Variants in GNS observed in about 807,000 individuals in gnomAD.
GNS encodes the protein glucosamine (N-acetyl)-6-sulfatase.
Under a neutral mutation model 69.7 loss-of-function variants are expected in GNS, and 40 were observed. The observed-to-expected ratio is 0.57, with a 90% CI of 0.45 to 0.75. The LOEUF is 0.75. Ranked by LOEUF, GNS falls within the 30% of genes least tolerant of loss-of-function variation. GNS has a pLI of 0.00. For synonymous variants in GNS, 243 were observed against 251.6 expected (o/e 0.97, Z 0.32); for missense variants, 565 against 685.5 (o/e 0.82, Z 1.96).
chr12:64,752,773 AT>A lies in GNS; in HGVS notation c.193-17del. ...TTAGCGGTGTCTGTAAAAGTAAGTA[AT>A]TATCCATTAAACAATTTCTTCCAAT... On this transcript the variant is annotated splice_polypyrimidine_tract_variant and intron_variant, in intron 1 of 13. Coordinates refer to ENST00000258145, the MANE Select transcript of GNS (RefSeq NM_002076.4). 1 of 1,266,584 alleles carries A rather than the reference AT, an allele frequency of 7.9e-7. No individual in the cohort carries two copies. The highest frequency in any genetic ancestry group is 1.2e-6 in the Non-Finnish European group (1 of 866,734). The allele number at this position is 1,266,584 out of a possible 1,614,324, so 78.5% of individuals were successfully genotyped here.
At chr12:64,756,592 C>A in intron 1 of GNS, 1 of 623,478 alleles carries the variant, frequency 1.6e-6, no homozygotes, top group Non-Finnish European at 2.8e-6. Context: ...TTTTAGTTTC[C>A]TTTTAAGATA....
At chr12:64,719,445 T>G (rs1868956479) in intron 13 of GNS, among the ~76,000 whole-genome samples, 1 of 152,212 alleles carries the variant, frequency 6.6e-6, no homozygotes, top group African/African-American at 2.4e-5. Context: ...GCTGAAAAGT[T>G]ACTAAGAAGG....
At position 64,751,375 on chromosome 12, in the gene GNS, A is replaced by G. The variant is rs138623631; in HGVS notation, c.252+1323T>C. Among the ~76,000 whole-genome samples the G allele has an allele frequency of 7.6e-3, 1,154 of 152,334 alleles. 11 individuals carry two copies. The highest frequency in any genetic ancestry group is 0.017 in the Middle Eastern group (5 of 294). On this transcript the variant is annotated intron_variant, in intron 2 of 13. Coordinates refer to ENST00000258145, the MANE Select transcript of GNS (RefSeq NM_002076.4). Reference sequence around the variant, plus strand: ...GTTTCTTAGATAGAAAATCCAAACAAGCAGAAATAATTTTTCCAATATTTT... The same window carrying G: ...GTTTCTTAGATAGAAAATCCAAACAGGCAGAAATAATTTTTCCAATATTTT...
At chr12:64,745,922 G>A (rs1311728686) in intron 3 of GNS, 198 bp from the exon 4 acceptor site, 6 of 590,170 alleles carry the variant, frequency 1.0e-5, no homozygotes, top group African/African-American at 9.3e-5. Context: ...ACTACAGCCA[G>A]TGAGCCAAAT....
intron 9 of GNS, among the ~76,000 whole-genome samples, chr12:64,732,645 T>C (rs1869440145): frequency 6.6e-6 from 1 of 151,100 alleles, no homozygotes; most frequent in South Asian, 2.1e-4. Context: ...TATTTTTTAG[T>C]AGAGACGGGG....
intron 9 of GNS, among the ~76,000 whole-genome samples, chr12:64,730,434 C>CAAAAAAAAAAAAAAAAAAAA (rs35692874): frequency 1.2e-4 from 5 of 43,394 alleles, no homozygotes; most frequent in Middle Eastern, 0.026. Flanking sequence ...ATATGAAAGG[C>CAAAAAAAAAAAAAAAAAAAA]AAAAAAAAAA....
At chr12:64,740,530 G>T in intron 7 of GNS, 76 bp downstream of exon 7, 1 of 819,982 alleles carries the variant, frequency 1.2e-6, no homozygotes, top group South Asian at 1.3e-5. Flanking sequence ...CAACAATGTG[G>T]TGTGGTCTCC....
chr12:64,728,819 A>G, intron 10 of GNS, 137 bp downstream of exon 10: 1 of 647,916 alleles, frequency 1.5e-6, no homozygotes, highest in Non-Finnish European at 2.8e-6. Flanking sequence ...TTTTTATTTT[A>G]GAAAACTCCT....
intron 10 of GNS, 118 bp downstream of exon 10, chr12:64,728,838 C>T (rs73323455): frequency 1.0e-4 from 68 of 670,130 alleles, no homozygotes; most frequent in African/African-American, 9.8e-4. Context: ...CTTCCCATCA[C>T]AAGATTTTCT....
At chr12:64,729,612 GTTTT>G (rs929258611) in intron 9 of GNS, among the ~76,000 whole-genome samples, 4 of 152,132 alleles carry the variant, frequency 2.6e-5, no homozygotes, top group African/African-American at 4.8e-5. Context: ...AGCAATAAAA[GTTTT>G]TTTAAGAGCA....
chr12:64,727,648 T>G (rs1477051637), intron 10 of GNS, among the ~76,000 whole-genome samples: 3 of 152,124 alleles, frequency 2.0e-5, no homozygotes, highest in African/African-American at 7.2e-5. Context: ...AGGGGCCACA[T>G]ATTATGTAAT....
intron 1 of GNS, among the ~76,000 whole-genome samples, chr12:64,756,032 G>C (rs902141101): frequency 3.3e-5 from 5 of 152,132 alleles, no homozygotes; most frequent in African/African-American, 1.2e-4. Context: ...ACACTATAAT[G>C]ATGTTTAAAT....
intron 9 of GNS, among the ~76,000 whole-genome samples, chr12:64,731,376 C>T (rs1003560217): frequency 2.6e-5 from 4 of 152,176 alleles, no homozygotes; most frequent in East Asian, 1.9e-4. Context: ...TGCACCCAGC[C>T]GAGGCTCTTT....
At chr12:64,753,341 T>G (rs1245564834) in intron 1 of GNS, among the ~76,000 whole-genome samples, 1 of 152,222 alleles carries the variant, frequency 6.6e-6, no homozygotes, top group African/African-American at 2.4e-5. Flanking sequence ...AAAAGGCTAC[T>G]CAGAAACTAT....
chr12:64,720,052 G>A lies in GNS; in HGVS notation c.1550C>T (p.Thr517Ile), dbSNP rs757947342. 2 of 1,613,270 alleles carry A rather than the reference G, an allele frequency of 1.2e-6. No individual in the cohort carries two copies. The highest frequency in any genetic ancestry group is 1.7e-6 in the Non-Finnish European group (2 of 1,179,334). The change falls in exon 13 of 14, where the codon ACC becomes ATC. Residue 517 changes from threonine (T) to isoleucine (I), a missense_variant. Physicochemically the swap from Thr to Ile is moderately conservative, Grantham distance 89. Transcript: ENST00000258145. ...LMMLQSCSGP[T>I]CRTPGVFDPG... ...GTCAAAAACCCCTGGAGTGCGACAG[G>A]TTGGCCCAGAACAGGACTGTAACAT...
intron 9 of GNS, among the ~76,000 whole-genome samples, chr12:64,734,357 T>C (rs1869496344): frequency 6.6e-6 from 1 of 152,140 alleles, no homozygotes; most frequent in African/African-American, 2.4e-5. Context: ...ACAAACTTAA[T>C]AGGGTGTGAC....
intron 10 of GNS, 152 bp downstream of exon 10, chr12:64,728,804 C>G: frequency 1.6e-6 from 1 of 633,286 alleles, no homozygotes; most frequent in Admixed American, 2.6e-5. Context: ...CACATGTGGT[C>G]TAATTTTTTA....
chr12:64,758,258 C>T (rs1354343757), intron 1 of GNS, among the ~76,000 whole-genome samples: 1 of 150,412 alleles, frequency 6.6e-6, no homozygotes, highest in East Asian at 1.9e-4. Context: ...TGAGGCAACA[C>T]ACACCCTCAA....
chr12:64,734,284 T>C (rs746151457), intron 9 of GNS, among the ~76,000 whole-genome samples: 1 of 152,228 alleles, frequency 6.6e-6, no homozygotes, highest in African/African-American at 2.4e-5. Context: ...CAGTGTATGT[T>C]AGGGGCTGGA....
Sources: allele counts gnomAD v4.1 joint callset (sites outside exome capture counted in the v4.1 genomes callset), GRCh38; gene constraint gnomAD v4.1.1; transcripts MANE v1.5; gene names NCBI Gene and HGNC (gene_info 2026-07-23, HGNC 2026-07-21).